Variants in EHBP1 observed in about 807,000 individuals in gnomAD.
EHBP1 encodes the protein EH domain binding protein 1.
EHBP1 carries 55 observed loss-of-function variants against 144.0 expected under a neutral mutation model. That is an observed-to-expected ratio of 0.38 (90% CI 0.31 to 0.48). EHBP1 has a LOEUF of 0.48. Ranked by LOEUF, EHBP1 falls within the 20% of genes least tolerant of loss-of-function variation. EHBP1 has a pLI of 0.98. For missense variants in EHBP1, 1,200 were observed against 1,364.2 expected, an observed-to-expected ratio of 0.88 and a Z score of 1.90; for synonymous variants, 469 against 472.7, an observed-to-expected ratio of 0.99 and a Z score of 0.10.
intron 10 of EHBP1, chr2:62,940,168 C>A: frequency 5.3e-6 from 2 of 374,654 alleles, no homozygotes; most frequent in Non-Finnish European, 1.0e-5. Context: ...GGAATCACTC[C>A]CAGAAGAGCA....
chr2:62,775,541 A>C (rs1028025129), intron 5 of EHBP1, among the ~76,000 whole-genome samples: 8 of 152,212 alleles, frequency 5.3e-5, no homozygotes, highest in Non-Finnish European at 1.0e-4. Context: ...GTTAATAAAG[A>C]AATGTTGAGA....
chr2:62,880,617 A>G (rs1177707291), intron 10 of EHBP1, among the ~76,000 whole-genome samples: 1 of 152,202 alleles, frequency 6.6e-6, no homozygotes, highest in Non-Finnish European at 1.5e-5. Flanking sequence ...TCTCAAAAGA[A>G]TACATACATG....
intron 10 of EHBP1, among the ~76,000 whole-genome samples, chr2:62,925,595 G>T (rs1430990584): frequency 1.3e-5 from 2 of 152,072 alleles, no homozygotes; most frequent in African/African-American, 4.8e-5. Flanking sequence ...TACAAAATTT[G>T]TATATTAAAA....
At chr2:62,777,515 A>AT (rs1335041594) in intron 5 of EHBP1, among the ~76,000 whole-genome samples, 1 of 149,612 alleles carries the variant, frequency 6.7e-6, no homozygotes, top group Admixed American at 6.7e-5. Context: ...TTTCTCCCAC[A>AT]TTTTTTTCTG....
At chr2:62,705,634 C>G (rs1447060385), upstream of EHBP1, 3 of 152,352 alleles carry the variant, frequency 2.0e-5, no homozygotes, top group Non-Finnish European at 4.4e-5. Flanking sequence ...AAGACCCGGC[C>G]GCCGAGGTGG....
At chr2:62,866,433 T>C (rs1044451280) in intron 9 of EHBP1, among the ~76,000 whole-genome samples, 1 of 152,174 alleles carries the variant, frequency 6.6e-6, no homozygotes, top group African/African-American at 2.4e-5. Context: ...TTAGTATAGA[T>C]GCAGAAATGG....
intron 19 of EHBP1, among the ~76,000 whole-genome samples, chr2:63,020,739 C>T (rs553710283): frequency 1.5e-4 from 22 of 151,272 alleles, no homozygotes; most frequent in Admixed American, 4.6e-4. Context: ...AGTGCAGTAG[C>T]GCGATCTCGG....
intron 2 of EHBP1, among the ~76,000 whole-genome samples, chr2:62,725,293 G>A (rs1159617890): frequency 6.6e-6 from 1 of 152,224 alleles, no homozygotes; most frequent in Non-Finnish European, 1.5e-5. Context: ...GCCAGCAGCA[G>A]CGGCTGTGGC....
intron 3 of EHBP1, 61 bp downstream of exon 3, chr2:62,747,513 G>A: frequency 3.2e-6 from 4 of 1,255,752 alleles, no homozygotes; most frequent in East Asian, 2.4e-5. Flanking sequence ...AACTGCTCTG[G>A]TTCCAGTGTA....
intron 6 of EHBP1, chr2:62,826,666 G>A (rs189376112): frequency 6.5e-6 from 1 of 153,458 alleles, no homozygotes; most frequent in Admixed American, 6.5e-5. Flanking sequence ...AATAATTAAG[G>A]GAACTCTTGC....
intron 7 of EHBP1, among the ~76,000 whole-genome samples, chr2:62,838,593 G>A (rs1231498999): frequency 3.3e-5 from 5 of 151,482 alleles, no homozygotes; most frequent in Non-Finnish European, 7.4e-5. Context: ...TAGACCACTA[G>A]CAAGACTAAT....
At chr2:62,854,312 C>G (rs2048878185) in intron 7 of EHBP1, among the ~76,000 whole-genome samples, 1 of 152,200 alleles carries the variant, frequency 6.6e-6, no homozygotes, top group East Asian at 1.9e-4. Flanking sequence ...CATGTGTTCA[C>G]TGGGTTAGAA....
intron 9 of EHBP1, among the ~76,000 whole-genome samples, chr2:62,866,530 A>G (rs1004024937): frequency 9.9e-5 from 15 of 152,238 alleles, no homozygotes; most frequent in African/African-American, 3.6e-4. Flanking sequence ...AGAAGACAGC[A>G]TAGATGATAT....
intron 6 of EHBP1, among the ~76,000 whole-genome samples, chr2:62,829,152 G>A (rs1573567706): frequency 6.6e-6 from 1 of 151,598 alleles, no homozygotes; most frequent in Admixed American, 6.6e-5. Context: ...GAATATTTTA[G>A]TCTTCCATAT....
intron 2 of EHBP1, among the ~76,000 whole-genome samples, chr2:62,718,979 A>ATT (rs1397556532): frequency 7.2e-5 from 10 of 138,274 alleles, no homozygotes; most frequent in Admixed American, 7.3e-5. Context: ...TTGAGGTAGA[A>ATT]TTTTTTTTTT....
At chr2:62,778,335 T>C (rs1485622306) in intron 5 of EHBP1, among the ~76,000 whole-genome samples, 2 of 152,020 alleles carry the variant, frequency 1.3e-5, no homozygotes, top group Admixed American at 1.3e-4. Flanking sequence ...GCTCAGGAGT[T>C]CAAGACCACC....
chr2:62,867,656 G>A (rs1394229610), intron 9 of EHBP1, among the ~76,000 whole-genome samples: 1 of 152,114 alleles, frequency 6.6e-6, no homozygotes, highest in African/African-American at 2.4e-5. Context: ...TAAATTCAGT[G>A]CCATCCCAAT....
chr2:62,707,313 G>T lies in EHBP1; in HGVS notation c.104+18G>T. 6.3e-7 allele frequency: 1 copy of T among 1,596,118 alleles called. No individual in the cohort carries two copies. Among genetic ancestry groups the T allele is most frequent in the Non-Finnish European group, 8.6e-7 (1 of 1,163,630 alleles). On this transcript the variant is annotated intron_variant, in intron 2 of 22. Transcript: ENST00000431489. ...AAGAAATGGTAAGATGTACCTGGAG[G>T]TAGATTTTGCTGTGCTGTGGCCTAA...
intron 5 of EHBP1, among the ~76,000 whole-genome samples, chr2:62,791,513 AC>A (rs1158611163): frequency 6.6e-6 from 1 of 152,034 alleles, no homozygotes; most frequent in Non-Finnish European, 1.5e-5. Context: ...TTTGGAAAAT[AC>A]ATTTTTGAAT....
Sources: allele counts gnomAD v4.1 joint callset (sites outside exome capture counted in the v4.1 genomes callset), GRCh38; gene constraint gnomAD v4.1.1; transcripts MANE v1.5; gene names NCBI Gene and HGNC (gene_info 2026-07-23, HGNC 2026-07-21).